The following XDH variants were observed in gnomAD, a reference collection of about 807,000 sequenced individuals.
XDH encodes xanthine dehydrogenase/oxidase.
In XDH, 138 loss-of-function variants were observed where a neutral mutation model predicts 156.1. The observed-to-expected ratio is 0.88, with a 90% CI of 0.77 to 1.02. The LOEUF (loss-of-function observed/expected upper bound fraction) is 1.02, where lower values mean the gene tolerates loss of function less well. Ranked by LOEUF, XDH falls within the 50% of genes least tolerant of loss-of-function variation. The pLI is 0.00. For missense variants in XDH, 1,849 were observed against 1,684.9 expected, an observed-to-expected ratio of 1.10 and a Z score of -1.71; for synonymous variants, 669 against 625.7, an observed-to-expected ratio of 1.07 and a Z score of -1.03.
In XDH at chr2:31,337,661, C is replaced by T. The variant is rs1362647844; in HGVS notation, c.3931G>A (p.Val1311Met). The T allele has an allele frequency of 3.7e-6, 6 of 1,614,160 alleles. No homozygotes were observed. The highest frequency in any genetic ancestry group is 1.1e-5 in the South Asian group (1 of 91,082). The change falls in exon 35 of 36, where the codon GTG (valine) becomes ATG (methionine). Residue 1311 changes from valine to methionine, a missense_variant. By Grantham distance (21) the Val-to-Met change is conservative. Transcript: ENST00000379416. ...ATPEKIRNAC[V>M]DKFTTLCVTG... is the part of the protein sequence containing the mutation. ...CATACCAGGGTGGTGAACTTGTCCA[C>T]GCAGGCATTGCGGATCTTCTCCGGG... is the stretch of plus-strand genomic sequence containing the variant.
At position 31,377,078 on chromosome 2, in the gene XDH, T is replaced by C. The variant is rs776349939; in HGVS notation, c.1402A>G (p.Lys468Glu). The change falls in exon 14 of 36, where the codon AAG becomes GAG. Residue 468 changes from lysine to glutamate, a missense_variant. Lys to Glu is a moderately conservative substitution (Grantham distance 56, BLOSUM62 1). Transcript: ENST00000379416. The stretch of plus-strand genomic sequence containing the variant: ...TTGGAAAGCTGCCTCTGAGTGGTCT[T>C]GAGGGCTGAGATGGTTCTGTTGGCC... ...GMANRTISAL[K>E]TTQRQLSKLW... is the part of the protein sequence containing the mutation. The C allele has an allele frequency of 6.2e-7, 1 of 1,614,158 alleles. No individual in the cohort carries two copies. The highest frequency in any genetic ancestry group is 1.1e-5 in the South Asian group (1 of 91,084).
At chr2:31,342,014 C>T (rs1020286543) in intron 32 of XDH, among the ~76,000 whole-genome samples, 169 bp downstream of exon 32, 4 of 152,116 alleles carry the variant, frequency 2.6e-5, no homozygotes, top group Admixed American at 6.5e-5. Flanking sequence ...GTATGGCCCA[C>T]GAAGTCTAAA....
At chr2:31,395,402 C>T (rs754678237) in intron 6 of XDH, among the ~76,000 whole-genome samples, 24 of 152,140 alleles carry the variant, frequency 1.6e-4, no homozygotes, top group Admixed American at 1.1e-3. Context: ...TCTAATATAA[C>T]CTCAGAAGTT....
At chr2:31,346,654 C>G in intron 30 of XDH, 115 bp downstream of exon 30, 1 of 1,264,522 alleles carries the variant, frequency 7.9e-7, no homozygotes, top group East Asian at 2.3e-5. Context: ...CTCAACTTCT[C>G]TCTGCTGTTC....
At chr2:31,389,408 C>G (rs1189152562) in intron 6 of XDH, among the ~76,000 whole-genome samples, 1 of 152,180 alleles carries the variant, frequency 6.6e-6, no homozygotes, top group Non-Finnish European at 1.5e-5. Flanking sequence ...CACTGGACAC[C>G]AGACCTGCTC....
chr2:31,386,974 G>T (rs1686619597), intron 8 of XDH, among the ~76,000 whole-genome samples: 1 of 104,148 alleles, frequency 9.6e-6, no homozygotes, highest in Non-Finnish European at 2.1e-5. Flanking sequence ...GAGGGAGGGA[G>T]GGAGGGAGGG....
intron 34 of XDH, among the ~76,000 whole-genome samples, chr2:31,338,051 C>T (rs1159145263): frequency 1.3e-5 from 2 of 152,196 alleles, no homozygotes; most frequent in Non-Finnish European, 2.9e-5. Context: ...TTTCTTTGAA[C>T]ACTCATGTAA....
chr2:31,397,383 A>T (rs990504095), intron 6 of XDH, among the ~76,000 whole-genome samples: 9 of 152,212 alleles, frequency 5.9e-5, no homozygotes, highest in African/African-American at 1.9e-4. Context: ...GCCCAAAGGC[A>T]CTGCCAAGCT....
chr2:31,362,822 A>G (rs1457189337), intron 24 of XDH, among the ~76,000 whole-genome samples: 1 of 152,252 alleles, frequency 6.6e-6, no homozygotes, highest in African/African-American at 2.4e-5. Context: ...ATTCCTAGGA[A>G]TTTAGTCAAG....
chr2:31,339,495 T>C lies in XDH; in HGVS notation c.3768A>G (p.Ala1256=). The C allele has an allele frequency of 6.2e-7, 1 of 1,614,086 alleles. No homozygotes were observed. Among genetic ancestry groups the C allele is most frequent in the East Asian group, 2.2e-5 (1 of 44,860 alleles). Residue 1256 remains alanine, a synonymous_variant, in exon 34 of 36, where the codon GCA becomes GCG. Coordinates refer to ENST00000379416, the MANE Select transcript of XDH (RefSeq NM_000379.4). ...AGAGCCAGAGCAATGGTACCTTCGA[T>C]GCATAGATGGCCTTCTTGTTGGGGC... ...RDCPNKKAIY[A]SKAVGEPPLF...
rs114631056 is a variant in XDH, at chr2:31,387,267, T to G, written c.651+544A>C. ...TCTGAGAAGTGTGCACTTCAAAAACTCCGAGTGGCTTGATTCTTTCGTTGC... is the reference window on the plus strand; with the variant it reads ...TCTGAGAAGTGTGCACTTCAAAAACGCCGAGTGGCTTGATTCTTTCGTTGC... On this transcript the variant is annotated intron_variant, in intron 8 of 35. Coordinates refer to ENST00000379416, the MANE Select transcript of XDH (RefSeq NM_000379.4). Among the ~76,000 whole-genome samples, 736 of 152,298 alleles carry G rather than the reference T, an allele frequency of 4.8e-3. 6 individuals are homozygous for G. Among genetic ancestry groups the G allele is most frequent in the African/African-American group, 0.017 (711 of 41,560 alleles).
intron 24 of XDH, among the ~76,000 whole-genome samples, chr2:31,354,492 A>G (rs1685574454): frequency 1.3e-5 from 2 of 152,238 alleles, no homozygotes; most frequent in Admixed American, 6.5e-5. Flanking sequence ...TAATGCAGCC[A>G]TGAAAAAAAT....
rs764643280 is a variant in XDH, at chr2:31,398,612, G to A, written c.394C>T (p.Pro132Ser). ...MSMYTLLRNQ[P>S]EPTMEEIENA... ...TCAATCTCCTCCATGGTGGGCTCGGGCTGATTCCGGAGCAGTGTGTACATA... is the reference window on the plus strand; with the variant it reads ...TCAATCTCCTCCATGGTGGGCTCGGACTGATTCCGGAGCAGTGTGTACATA... Residue 132 changes from proline (P) to serine (S), a missense_variant, in exon 5 of 36, where the codon CCC (proline) becomes TCC (serine). By Grantham distance (74) the Pro-to-Ser change is moderately conservative. Transcript: ENST00000379416. 27 of 1,614,004 alleles carry A rather than the reference G, an allele frequency of 1.7e-5. No homozygotes were observed. Among genetic ancestry groups the A allele is most frequent in the Non-Finnish European group, 2.3e-5 (27 of 1,179,998 alleles).
At chr2:31,373,415 A>G (rs796132671) in intron 16 of XDH, among the ~76,000 whole-genome samples, 2 of 152,338 alleles carry the variant, frequency 1.3e-5, no homozygotes, top group African/African-American at 4.8e-5. Flanking sequence ...TTGTGCTACA[A>G]TGACAGAGTT....
intron 32 of XDH, 79 bp from the exon 33 acceptor site, chr2:31,341,473 T>TCC: frequency 1.4e-6 from 2 of 1,443,160 alleles, no homozygotes; most frequent in East Asian, 5.0e-5. Flanking sequence ...ATAGTGACCC[T>TCC]CAGACTACAA....
chr2:31,400,342 C>T (rs1687023618), intron 4 of XDH, among the ~76,000 whole-genome samples: 1 of 151,244 alleles, frequency 6.6e-6, no homozygotes, highest in Non-Finnish European at 1.5e-5. Context: ...AGGTTCACGC[C>T]ATTCTCCTGC....
chr2:31,340,817 T>C (rs1685106292), intron 33 of XDH, among the ~76,000 whole-genome samples: 1 of 152,136 alleles, frequency 6.6e-6, no homozygotes, highest in East Asian at 1.9e-4. Flanking sequence ...CTAAAGCGAT[T>C]TTCTCTGGGA....
rs373598253 is a variant in XDH at position 31,339,675 on chromosome 2, C to T, written c.3588G>A (p.Val1196=). The T allele has an allele frequency of 4.9e-5, 79 of 1,614,066 alleles. No homozygotes were observed. The highest frequency in any genetic ancestry group is 9.3e-5 in the African/African-American group (7 of 75,066). ...SLNPAIDIGQ[V]EGAFVQGLGL... ...CAAGGCCCTGGACAAATGCCCCTTC[C>T]ACCTGCAGGATGGATGGAGAGCACA... The change falls in exon 34 of 36, where the codon GTG becomes GTA. Residue 1196 remains valine, a splice_region_variant and synonymous_variant. Coordinates refer to ENST00000379416, the MANE Select transcript of XDH (RefSeq NM_000379.4).
chr2:31,336,278 C>T (rs1452146908), intron 35 of XDH, among the ~76,000 whole-genome samples: 1 of 152,240 alleles, frequency 6.6e-6, no homozygotes, highest in Non-Finnish European at 1.5e-5. Flanking sequence ...CCTTTTGAAA[C>T]TCACAGTCCT....
Sources: allele counts gnomAD v4.1 joint callset (sites outside exome capture counted in the v4.1 genomes callset), GRCh38; gene constraint gnomAD v4.1.1; transcripts MANE v1.5; gene names NCBI Gene and HGNC (gene_info 2026-07-23, HGNC 2026-07-21).